Variants in CDC73 observed in about 807,000 individuals in gnomAD.
CDC73 encodes the protein cell division cycle 73.
A neutral mutation model predicts 83.7 loss-of-function variants in CDC73; 21 were observed. The observed-to-expected ratio is 0.25, with a 90% confidence interval of 0.18 to 0.36. The LOEUF (loss-of-function observed/expected upper bound fraction) is 0.36. Ranked by LOEUF, CDC73 falls within the 10% of genes least tolerant of loss-of-function variation. The pLI, the probability that CDC73 is intolerant of heterozygous loss-of-function variation, is 1.00. For synonymous variants in CDC73, 224 were observed against 212.9 expected (o/e 1.05, Z -0.45); for missense variants, 342 against 653.3 (o/e 0.52, Z 5.19).
intron 8 of CDC73, among the ~76,000 whole-genome samples, chr1:193,148,915 C>T (rs1031262195): frequency 6.6e-6 from 1 of 151,772 alleles, no homozygotes; most frequent in African/African-American, 2.4e-5. Context: ...TCCAGAAAAC[C>T]TTCTATATTT....
At chr1:193,249,654 T>G in intron 15 of CDC73, 76 bp from the exon 16 acceptor site, 1 of 1,117,752 alleles carries the variant, frequency 8.9e-7, no homozygotes, top group South Asian at 1.3e-5. Flanking sequence ...ACGGCTTCAG[T>G]TGGTGGAATA....
At chr1:193,184,011 C>G (rs1448957910) in intron 10 of CDC73, among the ~76,000 whole-genome samples, 5 of 151,692 alleles carry the variant, frequency 3.3e-5, no homozygotes, top group Admixed American at 3.3e-4. Flanking sequence ...GAAGATGTCT[C>G]TAAAGTATTT....
Position 193,135,522 on chromosome 1 carries a change from CTCTT to C in CDC73, c.371-9_371-6del, listed in dbSNP as rs748880183. The C allele has an allele frequency of 6.2e-7, 1 of 1,613,142 alleles. No individual in the cohort carries two copies. Among genetic ancestry groups the C allele is most frequent in the Admixed American group, 1.7e-5 (1 of 60,008 alleles). ...TCCAAAACTACACATTTATTTACTTCTCTTTCTTTTATAGTCAAACGAGCTGCAG... is the reference window on the plus strand; with the variant it reads ...TCCAAAACTACACATTTATTTACTTCTCTTTTATAGTCAAACGAGCTGCAG... On this transcript the variant is annotated splice_polypyrimidine_tract_variant and intron_variant, in intron 4 of 16. Coordinates refer to ENST00000367435, the MANE Select transcript of CDC73 (RefSeq NM_024529.5).
intron 10 of CDC73, chr1:193,180,208 A>G (rs1249288085): frequency 8.2e-7 from 1 of 1,218,702 alleles, no homozygotes; most frequent in Non-Finnish European, 1.1e-6. Context: ...TTTAACTAAA[A>G]CTTGTCCTAC....
At chr1:193,126,031 C>T (rs997480839) in intron 2 of CDC73, among the ~76,000 whole-genome samples, 5 of 152,062 alleles carry the variant, frequency 3.3e-5, no homozygotes, top group African/African-American at 1.2e-4. Context: ...GACTCTAAGG[C>T]GGTAGGGTTG....
chr1:193,145,812 A>G (rs1461204515), intron 7 of CDC73, among the ~76,000 whole-genome samples: 1 of 152,212 alleles, frequency 6.6e-6, no homozygotes, highest in Non-Finnish European at 1.5e-5. Flanking sequence ...CTCATTTTAT[A>G]TACATATTTA....
Position 193,175,814 on chromosome 1 carries a change from G to C in CDC73, c.972+23370G>C, listed in dbSNP as rs553422258. Reference sequence around the variant, plus strand: ...AGAGTCCTGGAGCCAATTCCCCACAGATACAGAGGTATAATTGTACTCTAA... The same window carrying C: ...AGAGTCCTGGAGCCAATTCCCCACACATACAGAGGTATAATTGTACTCTAA... On this transcript the variant is annotated intron_variant, in intron 10 of 16. Transcript: ENST00000367435. Among the ~76,000 whole-genome samples, 4 of 152,294 alleles carry C rather than the reference G, an allele frequency of 2.6e-5. No individual in the cohort carries two copies. In the East Asian group the frequency reaches 7.7e-4, roughly 29 times the overall value.
At chr1:193,204,638 T>G (rs1171846099) in intron 11 of CDC73, among the ~76,000 whole-genome samples, 1 of 152,164 alleles carries the variant, frequency 6.6e-6, no homozygotes, top group Non-Finnish European at 1.5e-5. Flanking sequence ...CAAAGGTCAT[T>G]GATAAAATAG....
intron 10 of CDC73, among the ~76,000 whole-genome samples, chr1:193,190,716 A>C (rs1415536363): frequency 6.6e-6 from 1 of 152,246 alleles, no homozygotes; most frequent in East Asian, 1.9e-4. Flanking sequence ...CAAACTATTA[A>C]CAATGAGCAT....
intron 14 of CDC73, among the ~76,000 whole-genome samples, chr1:193,235,352 G>A (rs1047077241): frequency 1.3e-5 from 2 of 152,072 alleles, no homozygotes; most frequent in African/African-American, 4.8e-5. Context: ...TTCTAATACA[G>A]TGAGGTCATT....
intron 11 of CDC73, among the ~76,000 whole-genome samples, chr1:193,207,328 C>G (rs1363645998): frequency 6.6e-6 from 1 of 152,194 alleles, no homozygotes; most frequent in Non-Finnish European, 1.5e-5. Flanking sequence ...CTATGTCCCT[C>G]TCTGCACATA....
intron 10 of CDC73, among the ~76,000 whole-genome samples, chr1:193,187,938 A>G (rs891868718): frequency 4.6e-5 from 7 of 152,204 alleles, no homozygotes; most frequent in Non-Finnish European, 8.8e-5. Context: ...CTTGTAGTCT[A>G]TATCCACCCA....
chr1:193,124,246 C>T (rs1410135260), intron 1 of CDC73, among the ~76,000 whole-genome samples: 1 of 152,172 alleles, frequency 6.6e-6, no homozygotes, highest in African/African-American at 2.4e-5. Context: ...ATATAAAACA[C>T]TAAACAATAC....
At chr1:193,202,145 A>G (rs555588919) in intron 10 of CDC73, among the ~76,000 whole-genome samples, 1 of 152,262 alleles carries the variant, frequency 6.6e-6, no homozygotes, top group Non-Finnish European at 1.5e-5. Flanking sequence ...TTGATTCTTT[A>G]TATAGGGGCT....
intron 10 of CDC73, among the ~76,000 whole-genome samples, chr1:193,189,761 A>G (rs943073838): frequency 2.6e-5 from 4 of 152,192 alleles, no homozygotes; most frequent in African/African-American, 9.6e-5. Context: ...TGGGTATAGG[A>G]ATAATTATTT....
At chr1:193,142,096 A>T in intron 7 of CDC73, 30 bp downstream of exon 7, 2 of 1,508,980 alleles carry the variant, frequency 1.3e-6, no homozygotes, top group South Asian at 1.1e-5. Flanking sequence ...CATTCATTGG[A>T]GTGAGAGAGA....
intron 10 of CDC73, among the ~76,000 whole-genome samples, chr1:193,153,040 T>C (rs1383229082): frequency 6.6e-6 from 1 of 152,156 alleles, no homozygotes; most frequent in African/African-American, 2.4e-5. Context: ...AGTGCTGGGA[T>C]TACAAGTGTG....
rs572307472 is a variant in CDC73, at chr1:193,253,158, C to T, written c.*2446C>T. On this transcript the variant is annotated 3_prime_UTR_variant, in exon 17 of 17. Coordinates refer to ENST00000367435, the MANE Select transcript of CDC73 (RefSeq NM_024529.5). ...GAAATATGTAGGTTTCAATCAGTTG[C>T]TCTCAACCCTGACTGCATTTTAGAA... 1.0e-3 allele frequency: 242 copies of T among 232,408 alleles called. No homozygotes were observed. The highest frequency in any genetic ancestry group is 1.7e-3 in the Non-Finnish European group (203 of 117,476). The allele number at this position is 232,408 out of a possible 1,614,324, so 14.4% of individuals were successfully genotyped here.
At chr1:193,156,653 C>T (rs948818150) in intron 10 of CDC73, among the ~76,000 whole-genome samples, 2 of 152,096 alleles carry the variant, frequency 1.3e-5, no homozygotes, top group African/African-American at 4.8e-5. Context: ...ATAAAGCTTC[C>T]TTCATTCCCA....
Sources: gnomAD v4.1 joint callset for allele counts (sites outside exome capture counted in the v4.1 genomes callset) on GRCh38, gnomAD v4.1.1 for gene constraint, MANE v1.5 for transcripts, NCBI Gene and HGNC (gene_info 2026-07-23, HGNC 2026-07-21) for gene names.